Variants in WDR43 observed in about 807,000 individuals in gnomAD.
The protein encoded by WDR43 is WD repeat-containing protein 43.
A neutral mutation model predicts 91.4 loss-of-function variants in WDR43; 13 were observed. The ratio of observed to expected loss-of-function variants is 0.14; its 90% confidence interval spans 0.09 to 0.23. The LOEUF (loss-of-function observed/expected upper bound fraction) is 0.23, where lower values mean the gene tolerates loss of function less well. Ranked by LOEUF, WDR43 falls within the 10% of genes least tolerant of loss-of-function variation. The probability of loss-of-function intolerance (pLI) is 1.00; values close to 1 mark genes in which losing one functional copy is unlikely to be tolerated. For missense variants in WDR43, 780 were observed against 809.4 expected (o/e 0.96, Z 0.44); for synonymous variants, 331 against 287.9 (o/e 1.15, Z -1.51).
intron 8 of WDR43, 74 bp downstream of exon 8, chr2:28,925,227 A>G: frequency 2.3e-6 from 3 of 1,307,232 alleles, no homozygotes; most frequent in East Asian, 2.7e-5. Context: ...TTTAAAAATA[A>G]CAACATTGGT....
chr2:28,894,999 G>T, intron 1 of WDR43, 76 bp downstream of exon 1: 1 of 1,366,278 alleles, frequency 7.3e-7, no homozygotes, highest in South Asian at 1.6e-5. Context: ...GTGGCGCGTG[G>T]TCCGGCATCG....
chr2:28,931,306 T>A (rs770636761), intron 11 of WDR43, among the ~76,000 whole-genome samples: 2 of 152,148 alleles, frequency 1.3e-5, no homozygotes, highest in Non-Finnish European at 2.9e-5. Flanking sequence ...GGTCTTGAAC[T>A]CCTGAGCTCG....
chr2:28,931,032 G>T (rs1024353145), intron 11 of WDR43, among the ~76,000 whole-genome samples: 1 of 150,366 alleles, frequency 6.7e-6, no homozygotes, highest in Admixed American at 6.6e-5. Flanking sequence ...AATATCATTA[G>T]TGTTTGTATT....
intron 12 of WDR43, 45 bp downstream of exon 12, chr2:28,935,652 T>A (rs748847609): frequency 7.3e-7 from 1 of 1,363,984 alleles, no homozygotes; most frequent in Admixed American, 2.3e-5. Flanking sequence ...TGCCATGAGT[T>A]AAATGGAAAA....
At chr2:28,901,948 G>T in intron 1 of WDR43, 39 bp from the exon 2 acceptor site, 1 of 1,542,826 alleles carries the variant, frequency 6.5e-7, no homozygotes, top group Non-Finnish European at 8.7e-7. Context: ...TTTAGTATTT[G>T]CAATACTAAA....
chr2:28,920,420 G>T (rs1457569094), intron 6 of WDR43, among the ~76,000 whole-genome samples: 2 of 151,414 alleles, frequency 1.3e-5, no homozygotes, highest in Non-Finnish European at 2.9e-5. Flanking sequence ...TAGAGATGGG[G>T]TTTTGCCATG....
chr2:28,925,236 G>A (rs1381183681), intron 8 of WDR43, 83 bp downstream of exon 8: 15 of 1,250,942 alleles, frequency 1.2e-5, no homozygotes, highest in Non-Finnish European at 1.6e-5. Context: ...AACAACATTG[G>A]TCTTTAAGAT....
At chr2:28,921,844 G>A (rs1465052854) in intron 6 of WDR43, among the ~76,000 whole-genome samples, 2 of 152,050 alleles carry the variant, frequency 1.3e-5, no homozygotes, top group African/African-American at 4.8e-5. Flanking sequence ...TGAGTAGCTG[G>A]GACTACAGGC....
chr2:28,915,440 G>T (rs943302946), intron 5 of WDR43, among the ~76,000 whole-genome samples: 1 of 152,084 alleles, frequency 6.6e-6, no homozygotes, highest in Non-Finnish European at 1.5e-5. Flanking sequence ...ATGTTTTACC[G>T]CTTAGGCTTC....
Position 28,906,399 on chromosome 2 carries a change from A to G in WDR43, c.364-61A>G, listed in dbSNP as rs534257111. ...CATCTTGGGAGAGCGAGGAAGGAGG[A>G]TCATTTGAGCCCAGGAGTTTGAGAC... On this transcript the variant is annotated intron_variant, in intron 2 of 17. Transcript: ENST00000407426. 1.7e-5 allele frequency: 25 copies of G among 1,474,698 alleles called. No homozygotes were observed. In the East Asian group the frequency reaches 5.8e-4, roughly 34 times the overall value. 91.4% of individuals were successfully genotyped at this position (1,474,698 alleles called of 1,614,324 possible). A position where few individuals can be genotyped will look rare whatever the true frequency, so the allele number is the denominator to read the frequency against.
intron 1 of WDR43, among the ~76,000 whole-genome samples, chr2:28,900,108 T>C (rs897500748): frequency 2.0e-5 from 3 of 152,218 alleles, no homozygotes; most frequent in Non-Finnish European, 4.4e-5. Flanking sequence ...GGACCTGTCT[T>C]TGTTTCACAC....
chr2:28,945,276 A>T (rs1671524557), intron 16 of WDR43, among the ~76,000 whole-genome samples: 1 of 152,262 alleles, frequency 6.6e-6, no homozygotes, highest in South Asian at 2.1e-4. Context: ...GGATAACATT[A>T]GCACACCTAA....
chr2:28,895,399 C>G (rs1185099463), intron 1 of WDR43: 1 of 154,376 alleles, frequency 6.5e-6, no homozygotes, highest in East Asian at 1.9e-4. Context: ...CCCTCCTGCC[C>G]CCCCTTTGGG....
chr2:28,894,755 C>T lies in WDR43; in HGVS notation c.57C>T (p.Cys19=). ...CCCTGGCCCCTGCTGGGGTCCCTTGCGCCTTCTCCCCGCACAGCCAGGCCT... is the reference window on the plus strand; with the variant it reads ...CCCTGGCCCCTGCTGGGGTCCCTTGTGCCTTCTCCCCGCACAGCCAGGCCT... ...CDPLAPAGVP[C]AFSPHSQAYF... Residue 19 remains cysteine (C), a synonymous_variant, in exon 1 of 18, where the codon TGC becomes TGT. Coordinates refer to ENST00000407426, the MANE Select transcript of WDR43 (RefSeq NM_015131.3). 1.3e-6 allele frequency: 2 copies of T among 1,599,262 alleles called. No homozygotes were observed. The highest frequency in any genetic ancestry group is 1.7e-5 in the Admixed American group (1 of 57,598).
At chr2:28,936,806 T>TA (rs1475130549) in intron 12 of WDR43, 116 bp from the exon 13 acceptor site, 4 of 970,896 alleles carry the variant, frequency 4.1e-6, no homozygotes, top group African/African-American at 1.6e-5. Flanking sequence ...TTATGCGGTT[T>TA]AAAATAGACT....
Position 28,929,561 on chromosome 2 carries a change from A to C in WDR43, c.1306-18A>C, listed in dbSNP as rs767015360. The C allele has an allele frequency of 1.9e-5, 30 of 1,570,284 alleles. No homozygotes were observed. Among genetic ancestry groups the C allele is most frequent in the Non-Finnish European group, 2.6e-5 (30 of 1,159,938 alleles). The stretch of plus-strand genomic sequence containing the variant: ...AGTCTTGTCTGGTAACACATTAACA[A>C]TCCTTTCTGTTCTGTAGGTTAGCAT... On this transcript the variant is annotated intron_variant, in intron 10 of 17. Transcript: ENST00000407426.
At chr2:28,926,348 T>C (rs72786105) in intron 8 of WDR43, 120 bp from the exon 9 acceptor site, 26 of 730,878 alleles carry the variant, frequency 3.6e-5, no homozygotes, top group Non-Finnish European at 5.6e-5. Context: ...TTTAATATTT[T>C]ATAAAAATGC....
At chr2:28,904,776 C>A (rs2148179848) in intron 2 of WDR43, among the ~76,000 whole-genome samples, 1 of 152,282 alleles carries the variant, frequency 6.6e-6, no homozygotes, top group South Asian at 2.1e-4. Context: ...AAATATTTTT[C>A]TTTTGAAGTG....
intron 3 of WDR43, among the ~76,000 whole-genome samples, chr2:28,909,018 A>T (rs1670739245): frequency 6.6e-6 from 1 of 152,186 alleles, no homozygotes; most frequent in East Asian, 1.9e-4. Context: ...ATTCTCTATT[A>T]GTGGTATAAA....
Sources: allele counts gnomAD v4.1 joint callset (sites outside exome capture counted in the v4.1 genomes callset), GRCh38; gene constraint gnomAD v4.1.1; transcripts MANE v1.5; gene names NCBI Gene and HGNC (gene_info 2026-07-23, HGNC 2026-07-21).